The following FCHO2 variants were observed in gnomAD, a reference collection of about 807,000 sequenced individuals.
FCHO2 encodes the protein FCH and mu domain containing endocytic adaptor 2.
FCHO2 carries 43 observed loss-of-function variants against 114.1 expected under a neutral mutation model. The ratio of observed to expected loss-of-function variants is 0.38; its 90% confidence interval spans 0.30 to 0.49. FCHO2 has a LOEUF of 0.49. Ranked by LOEUF, FCHO2 falls within the 20% of genes least tolerant of loss-of-function variation. The probability of loss-of-function intolerance (pLI) is 0.97; values close to 1 mark genes in which losing one functional copy is unlikely to be tolerated. For synonymous variants in FCHO2, 293 were observed against 315.2 expected (o/e 0.93, Z 0.75); for missense variants, 807 against 950.4 (o/e 0.85, Z 1.98).
At chr5:73,083,198 C>A (rs1743182669) in intron 24 of FCHO2, among the ~76,000 whole-genome samples, 1 of 151,904 alleles carries the variant, frequency 6.6e-6, no homozygotes, top group Non-Finnish European at 1.5e-5. Context: ...GTGCACCGTT[C>A]CTGGAAGCAC....
chr5:73,004,047 CA>C (rs34849736), intron 5 of FCHO2, among the ~76,000 whole-genome samples: 3,079 of 26,496 alleles, frequency 0.12, 13 homozygotes, highest in Non-Finnish European at 0.13. Flanking sequence ...GACTCCATCT[CA>C]AAAAAAAAAA....
rs563247942 is a variant in FCHO2, at chr5:73,059,031, A to C, written c.1345+507A>C. ...TCTAGAAAGGCTTTAACACTTCCCA[A>C]GCAGTTTACAAAAGAAGTTGATAAA... On this transcript the variant is annotated intron_variant, in intron 17 of 25. Coordinates refer to ENST00000430046, the MANE Select transcript of FCHO2 (RefSeq NM_138782.3). Among the ~76,000 whole-genome samples the C allele has an allele frequency of 2.1e-3, 316 of 152,324 alleles. 1 individual carries two copies. In the Middle Eastern group the frequency reaches 0.034, roughly 16 times the overall value.
intron 8 of FCHO2, among the ~76,000 whole-genome samples, chr5:73,031,807 G>A (rs1032587258): frequency 1.3e-5 from 2 of 152,052 alleles, no homozygotes; most frequent in African/African-American, 4.8e-5. Flanking sequence ...GAGCCAAAAT[G>A]GTTTTATTTG....
chr5:73,082,654 A>T, intron 23 of FCHO2, 107 bp from the exon 24 acceptor site: 1 of 857,736 alleles, frequency 1.2e-6, no homozygotes. Flanking sequence ...TTAGCAATAT[A>T]TTTGTTGTAG....
At chr5:73,048,482 T>C (rs1757174117) in intron 11 of FCHO2, among the ~76,000 whole-genome samples, 1 of 152,168 alleles carries the variant, frequency 6.6e-6, no homozygotes, top group East Asian at 1.9e-4. Flanking sequence ...ATTTTCAATC[T>C]GCGGTTGGTT....
At chr5:73,047,866 T>A (rs1757132130) in intron 11 of FCHO2, among the ~76,000 whole-genome samples, 1 of 152,190 alleles carries the variant, frequency 6.6e-6, no homozygotes, top group African/African-American at 2.4e-5. Flanking sequence ...AGACAGAGTC[T>A]TGCTCTGTTG....
At chr5:72,961,964 A>G (rs148176808) in intron 1 of FCHO2, among the ~76,000 whole-genome samples, 1,893 of 152,320 alleles carry the variant, frequency 0.012, 89 homozygotes, top group Admixed American at 0.095. Context: ...GGTTAAAATT[A>G]TTATTGTATA....
At position 73,058,427 on chromosome 5, in the gene FCHO2, T is replaced by C. The variant is rs755529201; in HGVS notation, c.1254-6T>C. The C allele has an allele frequency of 4.2e-5, 65 of 1,533,718 alleles. No homozygotes were observed. Among genetic ancestry groups the C allele is most frequent in the Non-Finnish European group, 5.5e-5 (63 of 1,140,984 alleles). On this transcript the variant is annotated splice_region_variant and splice_polypyrimidine_tract_variant and intron_variant, in intron 16 of 25. Coordinates refer to ENST00000430046, the MANE Select transcript of FCHO2 (RefSeq NM_138782.3). ...AAAATTTTTGCTTTTAAAAATATTA[T>C]GGTAGAAAAGGAACCAGTGATTTAC... is the stretch of plus-strand genomic sequence containing the variant.
chr5:72,957,135 A>T (rs183026335), intron 1 of FCHO2, among the ~76,000 whole-genome samples: 23 of 152,280 alleles, frequency 1.5e-4, no homozygotes, highest in African/African-American at 5.5e-4. Flanking sequence ...ATCAGTTCAT[A>T]GTTATTTATT....
intron 15 of FCHO2, 68 bp downstream of exon 15, chr5:73,054,617 T>C: frequency 8.8e-7 from 1 of 1,132,716 alleles, no homozygotes; most frequent in South Asian, 1.4e-5. Context: ...GTTAGTCTTT[T>C]ACCTTTAGCT....
intron 17 of FCHO2, among the ~76,000 whole-genome samples, chr5:73,062,674 A>G (rs1265506518): frequency 6.6e-6 from 1 of 151,930 alleles, no homozygotes; most frequent in African/African-American, 2.4e-5. Context: ...TGCATCTTTT[A>G]TCTCTTATTA....
intron 2 of FCHO2, among the ~76,000 whole-genome samples, chr5:72,977,810 A>C (rs752073562): frequency 1.2e-4 from 18 of 152,306 alleles, no homozygotes; most frequent in Middle Eastern, 3.4e-3. Flanking sequence ...GGTGTAAGGA[A>C]GGGGTCCAGT....
intron 6 of FCHO2, among the ~76,000 whole-genome samples, chr5:73,009,795 C>A (rs963616827): frequency 1.3e-5 from 2 of 152,202 alleles, no homozygotes; most frequent in Non-Finnish European, 2.9e-5. Flanking sequence ...ACTCGGCCTC[C>A]CAAAATGCTG....
chr5:72,962,937 G>A (rs1365434971), intron 1 of FCHO2, among the ~76,000 whole-genome samples: 1 of 151,888 alleles, frequency 6.6e-6, no homozygotes, highest in African/African-American at 2.4e-5. Flanking sequence ...GTAGCAATCT[G>A]GTCCAAAAAG....
intron 2 of FCHO2, among the ~76,000 whole-genome samples, chr5:72,979,607 G>A (rs1448341434): frequency 6.6e-6 from 1 of 151,128 alleles, no homozygotes; most frequent in East Asian, 1.9e-4. Flanking sequence ...TAGCCAGGAT[G>A]GTCTCGATCT....
chr5:73,027,762 T>A (rs1265650241), intron 8 of FCHO2, among the ~76,000 whole-genome samples: 2 of 152,190 alleles, frequency 1.3e-5, no homozygotes, highest in Non-Finnish European at 2.9e-5. Flanking sequence ...CCAAAAGATT[T>A]GGACACTTCC....
intron 24 of FCHO2, among the ~76,000 whole-genome samples, chr5:73,083,471 T>C (rs1438008679): frequency 2.6e-5 from 4 of 152,202 alleles, no homozygotes; most frequent in African/African-American, 9.6e-5. Flanking sequence ...TTTAAAGAAA[T>C]AGAACTCTAT....
chr5:73,015,898 A>G (rs949626588), intron 7 of FCHO2, among the ~76,000 whole-genome samples, 174 bp downstream of exon 7: 6 of 152,110 alleles, frequency 3.9e-5, no homozygotes, highest in Non-Finnish European at 7.4e-5. Flanking sequence ...TAAACTGGAT[A>G]TTTTATCATT....
At chr5:72,989,614 T>G in intron 3 of FCHO2, 113 bp downstream of exon 3, 1 of 662,510 alleles carries the variant, frequency 1.5e-6, no homozygotes, top group Non-Finnish European at 2.5e-6. Context: ...TATGCTTATT[T>G]AAAAGTATCT....
Sources: allele counts gnomAD v4.1 joint callset (sites outside exome capture counted in the v4.1 genomes callset), GRCh38; gene constraint gnomAD v4.1.1; transcripts MANE v1.5; gene names NCBI Gene and HGNC (gene_info 2026-07-23, HGNC 2026-07-21).